The following LARP4B variants were observed in gnomAD, a reference collection of about 807,000 sequenced individuals.
LARP4B encodes La ribonucleoprotein 4B.
Under a neutral mutation model 89.8 loss-of-function variants are expected in LARP4B, and 12 were observed. The ratio of observed to expected loss-of-function variants is 0.13; its 90% confidence interval spans 0.09 to 0.22. LARP4B has a LOEUF of 0.22. LARP4B is among the 10% of genes least tolerant of loss of function. The probability of loss-of-function intolerance (pLI) is 1.00; values close to 1 mark genes in which losing one functional copy is unlikely to be tolerated. For missense variants in LARP4B, 757 were observed against 947.7 expected (o/e 0.80, Z 2.64); for synonymous variants, 367 against 363.3 (o/e 1.01, Z -0.12).
chr10:965,308 C>T, the LARP4B span, among the ~76,000 whole-genome samples: 2 of 152,148 alleles, frequency 1.3e-5, no homozygotes, highest in Admixed American at 6.5e-5. Flanking sequence ...GATTCACTTC[C>T]GAGGCACAAT....
At chr10:904,168 T>C (rs1238648033) in intron 1 of LARP4B, among the ~76,000 whole-genome samples, 1 of 152,152 alleles carries the variant, frequency 6.6e-6, no homozygotes, top group Non-Finnish European at 1.5e-5. Flanking sequence ...CCTGCAGTCC[T>C]AGCTACTTAG....
At chr10:885,279 T>C (rs528404433) in intron 2 of LARP4B, among the ~76,000 whole-genome samples, 1 of 152,144 alleles carries the variant, frequency 6.6e-6, no homozygotes, top group South Asian at 2.1e-4. Flanking sequence ...CTAGGTCACA[T>C]CCCTTTTGTC....
At chr10:899,367 A>G (rs1228164965) in intron 1 of LARP4B, among the ~76,000 whole-genome samples, 2 of 152,178 alleles carry the variant, frequency 1.3e-5, no homozygotes, top group African/African-American at 4.8e-5. Context: ...ATTATTCTGA[A>G]GTCAGGAACT....
At chr10:833,284 A>AAC (rs1833020099) in intron 8 of LARP4B, among the ~76,000 whole-genome samples, 2 of 133,290 alleles carry the variant, frequency 1.5e-5, no homozygotes, top group African/African-American at 2.7e-5. Flanking sequence ...AAAAAAAAAA[A>AAC]CCTCAAAATG....
chr10:970,602 T>G, the LARP4B span, among the ~76,000 whole-genome samples: 2 of 152,162 alleles, frequency 1.3e-5, no homozygotes, highest in Non-Finnish European at 2.9e-5. Flanking sequence ...AAGTGTTTAT[T>G]TTACTCTGGA....
the LARP4B span, chr10:972,773 T>C: frequency 4.4e-6 from 2 of 456,764 alleles, no homozygotes; most frequent in African/African-American, 2.0e-5. Context: ...AGTTAGAAAA[T>C]AAAGAAGATG....
chr10:918,092 C>A (rs904462767), intron 1 of LARP4B, among the ~76,000 whole-genome samples: 1 of 151,906 alleles, frequency 6.6e-6, no homozygotes, highest in African/African-American at 2.4e-5. Flanking sequence ...CTAAGAAAAC[C>A]AAAAGCATGA....
At chr10:827,778 T>C (rs536024341) in intron 11 of LARP4B, among the ~76,000 whole-genome samples, 7 of 152,312 alleles carry the variant, frequency 4.6e-5, no homozygotes, top group African/African-American at 1.7e-4. Flanking sequence ...GCGATGATTC[T>C]TCAACACCCA....
upstream of LARP4B, among the ~76,000 whole-genome samples, chr10:935,604 G>A (rs756641705): frequency 6.6e-6 from 1 of 152,202 alleles, no homozygotes. Flanking sequence ...AGCGAGGGCA[G>A]TGATCTTGGG....
intron 1 of LARP4B, among the ~76,000 whole-genome samples, chr10:903,719 A>G (rs1037641172): frequency 6.6e-6 from 1 of 152,338 alleles, no homozygotes; most frequent in African/African-American, 2.4e-5. Flanking sequence ...GCATTTCTTC[A>G]AGGAATACAG....
intron 5 of LARP4B, 51 bp downstream of exon 5, chr10:863,692 A>T (rs898684924): frequency 6.6e-7 from 1 of 1,523,856 alleles, no homozygotes; most frequent in South Asian, 1.3e-5. Context: ...AAAAAAAATA[A>T]ATAAAGCAGC....
At chr10:980,848 T>A in the LARP4B span, among the ~76,000 whole-genome samples, 1 of 152,270 alleles carries the variant, frequency 6.6e-6, no homozygotes, top group Non-Finnish European at 1.5e-5. Context: ...TTCTGCAGCC[T>A]GCTTTAGTTC....
chr10:905,484 G>C (rs1026710334), intron 1 of LARP4B, among the ~76,000 whole-genome samples: 1 of 152,180 alleles, frequency 6.6e-6, no homozygotes, highest in Non-Finnish European at 1.5e-5. Flanking sequence ...AAATAGAGCA[G>C]ACATAAAACA....
In LARP4B at chr10:810,196, A is replaced by C. The variant is rs1264032610; in HGVS notation, c.*2730T>G. Reference sequence around the variant, plus strand: ...TAACTTAAAAAAAAAAAAAGTATGAAAGCCACTCTCATCGCTGTATGTGAC... The same window carrying C: ...TAACTTAAAAAAAAAAAAAGTATGACAGCCACTCTCATCGCTGTATGTGAC... On this transcript the variant is annotated 3_prime_UTR_variant, in exon 18 of 18. Transcript: ENST00000316157. The C allele has an allele frequency of 6.6e-6, 1 of 151,970 alleles. No homozygotes were observed. The highest frequency in any genetic ancestry group is 2.4e-5 in the African/African-American group (1 of 41,266). 9.4% of individuals were successfully genotyped at this position (151,970 alleles called of 1,614,324 possible).
At chr10:867,784 T>G (rs1488927593) in intron 3 of LARP4B, among the ~76,000 whole-genome samples, 1 of 144,028 alleles carries the variant, frequency 6.9e-6, no homozygotes, top group Non-Finnish European at 1.5e-5. Flanking sequence ...TCATTTGAAC[T>G]CAGGAGGCGG....
At chr10:972,550 C>T in the LARP4B span, 1 of 457,172 alleles carries the variant, frequency 2.2e-6, no homozygotes, top group Non-Finnish European at 4.4e-6. Flanking sequence ...ATGTAGAAGC[C>T]AGAGGAAGAC....
chr10:882,488 C>T (rs978557762), intron 3 of LARP4B, among the ~76,000 whole-genome samples: 4 of 151,862 alleles, frequency 2.6e-5, no homozygotes, highest in East Asian at 1.9e-4. Context: ...CCCAGGTTAA[C>T]GCCATTCTCC....
intron 11 of LARP4B, among the ~76,000 whole-genome samples, chr10:827,363 T>G (rs1450994772): frequency 6.6e-6 from 1 of 152,222 alleles, no homozygotes; most frequent in Non-Finnish European, 1.5e-5. Flanking sequence ...CAATGAGGAC[T>G]AATCATTTCC....
At chr10:861,967 TTCAATGGAC>T (rs1288366558) in intron 5 of LARP4B, among the ~76,000 whole-genome samples, 4 of 152,214 alleles carry the variant, frequency 2.6e-5, no homozygotes, top group African/African-American at 9.6e-5. Flanking sequence ...CCATCTTAAA[TTCAATGGAC>T]TCTAACATGA....
Sources: gnomAD v4.1 joint callset for allele counts (sites outside exome capture counted in the v4.1 genomes callset) on GRCh38, gnomAD v4.1.1 for gene constraint, MANE v1.5 for transcripts, NCBI Gene and HGNC (gene_info 2026-07-23, HGNC 2026-07-21) for gene names.